Variants in ZPBP observed in about 807,000 individuals in gnomAD.
ZPBP encodes zona pellucida-binding protein 1.
In ZPBP, 26 loss-of-function variants were observed where a neutral mutation model predicts 44.8. The observed-to-expected ratio is 0.58, with a 90% CI of 0.43 to 0.81. The LOEUF (loss-of-function observed/expected upper bound fraction) is 0.81, where lower values mean the gene tolerates loss of function less well. Among genes scored for constraint, ZPBP ranks in the 30% least tolerant of loss-of-function variants. ZPBP has a pLI of 0.00. For synonymous variants in ZPBP, 174 were observed against 153.2 expected, an observed-to-expected ratio of 1.14 and a Z score of -1.00; for missense variants, 409 against 434.0, an observed-to-expected ratio of 0.94 and a Z score of 0.51.
intron 3 of ZPBP, among the ~76,000 whole-genome samples, chr7:50,060,076 C>T (rs1801168309): frequency 6.6e-6 from 1 of 152,146 alleles, no homozygotes; most frequent in Non-Finnish European, 1.5e-5. Flanking sequence ...ATTCCTTGCC[C>T]TGAGTGGCTT....
chr7:50,023,374 A>C (rs1799180862), intron 5 of ZPBP, among the ~76,000 whole-genome samples: 1 of 152,068 alleles, frequency 6.6e-6, no homozygotes, highest in South Asian at 2.1e-4. Flanking sequence ...TATTATGGAA[A>C]GCATTTCAAG....
chr7:49,996,133 T>A (rs1292915971), intron 6 of ZPBP, among the ~76,000 whole-genome samples: 1 of 152,224 alleles, frequency 6.6e-6, no homozygotes, highest in African/African-American at 2.4e-5. Flanking sequence ...CGTCAATATG[T>A]ACAAATATTA....
intron 1 of ZPBP, among the ~76,000 whole-genome samples, chr7:49,930,916 A>G (rs1562782377): frequency 6.6e-6 from 1 of 152,164 alleles, no homozygotes; most frequent in Non-Finnish European, 1.5e-5. Flanking sequence ...TATTCCCCAC[A>G]TGTTGTGGGA....
intron 3 of ZPBP, among the ~76,000 whole-genome samples, chr7:50,080,081 C>G (rs2128850878): frequency 6.6e-6 from 1 of 151,656 alleles, no homozygotes; most frequent in South Asian, 2.1e-4. Context: ...TTATTTGGCT[C>G]AAATCAAGGG....
At chr7:49,971,368 T>C (rs549208784) in intron 7 of ZPBP, among the ~76,000 whole-genome samples, 4 of 152,094 alleles carry the variant, frequency 2.6e-5, no homozygotes, top group South Asian at 4.2e-4. Flanking sequence ...TTTAGCTAAA[T>C]TGACTAAAAA....
intron 2 of ZPBP, among the ~76,000 whole-genome samples, chr7:50,087,275 C>T (rs1377656187): frequency 6.6e-6 from 1 of 152,092 alleles, no homozygotes; most frequent in East Asian, 1.9e-4. Flanking sequence ...ATCCTAAAAA[C>T]ACTAGCAACC....
chr7:50,022,991 T>C (rs1326370279), intron 5 of ZPBP, among the ~76,000 whole-genome samples: 1 of 152,070 alleles, frequency 6.6e-6, no homozygotes, highest in African/African-American at 2.4e-5. Context: ...GGGTTAAGAC[T>C]GGAGGAAAAT....
intron 7 of ZPBP, among the ~76,000 whole-genome samples, chr7:49,979,936 A>G (rs1429388783): frequency 2.5e-4 from 29 of 114,656 alleles, no homozygotes; most frequent in Non-Finnish European, 4.8e-4. Context: ...TATATTAGAT[A>G]ATATATAAAT....
At chr7:50,005,568 A>G (rs1798269466) in intron 6 of ZPBP, among the ~76,000 whole-genome samples, 1 of 151,970 alleles carries the variant, frequency 6.6e-6, no homozygotes, top group Non-Finnish European at 1.5e-5. Flanking sequence ...ATGGATTGTT[A>G]TAACTTTAAG....
At chr7:49,966,543 G>A (rs1236561529) in intron 7 of ZPBP, among the ~76,000 whole-genome samples, 1 of 152,038 alleles carries the variant, frequency 6.6e-6, no homozygotes, top group East Asian at 1.9e-4. Flanking sequence ...GAAATCTCGG[G>A]AAATCCCCCA....
downstream of ZPBP, chr7:49,936,070 T>A (rs967465582): frequency 6.6e-6 from 1 of 152,244 alleles, no homozygotes; most frequent in African/African-American, 2.4e-5. Flanking sequence ...ATCCATTATT[T>A]ATTATACAAT....
At chr7:50,012,164 G>A (rs1798617712) in intron 6 of ZPBP, among the ~76,000 whole-genome samples, 1 of 151,778 alleles carries the variant, frequency 6.6e-6, no homozygotes, top group Non-Finnish European at 1.5e-5. Context: ...AATATTAGAA[G>A]CAATTTCATG....
intron 6 of ZPBP, among the ~76,000 whole-genome samples, chr7:50,003,371 A>G (rs766511792): frequency 6.6e-6 from 1 of 152,224 alleles, no homozygotes; most frequent in Non-Finnish European, 1.5e-5. Flanking sequence ...AGCTGCAATT[A>G]GAAGAGGAGA....
intron 5 of ZPBP, among the ~76,000 whole-genome samples, chr7:50,021,633 C>A (rs931094107): frequency 1.3e-5 from 2 of 151,892 alleles, no homozygotes; most frequent in Non-Finnish European, 2.9e-5. Flanking sequence ...CAAAATTTCC[C>A]AAATTTGATA....
At chr7:49,967,942 T>C (rs1796128606) in intron 7 of ZPBP, among the ~76,000 whole-genome samples, 1 of 152,128 alleles carries the variant, frequency 6.6e-6, no homozygotes, top group Non-Finnish European at 1.5e-5. Context: ...TTGAATTGTC[T>C]CCCTGAAAAA....
chr7:49,980,607 G>T (rs765096614), intron 7 of ZPBP, among the ~76,000 whole-genome samples: 1 of 151,928 alleles, frequency 6.6e-6, no homozygotes, highest in Non-Finnish European at 1.5e-5. Flanking sequence ...CTCAAATGGT[G>T]AGAGAGGAAG....
chr7:49,946,929 C>T (rs371943772), intron 7 of ZPBP, among the ~76,000 whole-genome samples: 1 of 152,084 alleles, frequency 6.6e-6, no homozygotes, highest in Non-Finnish European at 1.5e-5. Context: ...AATAGCCTAC[C>T]TTGAAGCTCA....
At chr7:49,953,156 A>G (rs1795420325) in intron 7 of ZPBP, among the ~76,000 whole-genome samples, 1 of 152,142 alleles carries the variant, frequency 6.6e-6, no homozygotes, top group South Asian at 2.1e-4. Context: ...GGAGCCCAGC[A>G]AAGTCCCTCA....
At chr7:49,883,130 A>G (rs1791743162) in intron 2 of ZPBP, among the ~76,000 whole-genome samples, 1 of 152,110 alleles carries the variant, frequency 6.6e-6, no homozygotes, top group Non-Finnish European at 1.5e-5. Context: ...TTGAGGGGAA[A>G]TGAGGAGGAA....
Sources: allele counts gnomAD v4.1 joint callset (sites outside exome capture counted in the v4.1 genomes callset), GRCh38; gene constraint gnomAD v4.1.1; transcripts MANE v1.5; gene names NCBI Gene and HGNC (gene_info 2026-07-23, HGNC 2026-07-21).